Variants in RBFOX1 observed in about 807,000 individuals in gnomAD.
The protein encoded by RBFOX1 is RNA binding fox-1 homolog 1.
A neutral mutation model predicts 57.7 loss-of-function variants in RBFOX1; 8 were observed. That is an observed-to-expected ratio of 0.14 (90% CI 0.08 to 0.25). The LOEUF is 0.25. Ranked by LOEUF, RBFOX1 falls within the 10% of genes least tolerant of loss-of-function variation. The probability of loss-of-function intolerance (pLI) is 1.00; values close to 1 mark genes in which losing one functional copy is unlikely to be tolerated. For missense variants in RBFOX1, 611 were observed against 548.5 expected, an observed-to-expected ratio of 1.11 and a Z score of -1.14; for synonymous variants, 326 against 222.4, an observed-to-expected ratio of 1.47 and a Z score of -4.15.
intron 10 of RBFOX1, among the ~76,000 whole-genome samples, chr16:7,624,588 C>A (rs1220220487): frequency 6.6e-6 from 1 of 152,168 alleles, no homozygotes; most frequent in Non-Finnish European, 1.5e-5. Flanking sequence ...TAAGTACCAG[C>A]CAAATGAATG....
chr16:7,654,087 C>G, intron 12 of RBFOX1, 140 bp downstream of exon 12: 1 of 851,646 alleles, frequency 1.2e-6, no homozygotes, highest in South Asian at 1.8e-5. Context: ...AGCCCGGCCG[C>G]GCACCTGCAG....
chr16:5,373,133 G>A (rs1236774207), intron 1 of RBFOX1, among the ~76,000 whole-genome samples: 6 of 152,176 alleles, frequency 3.9e-5, no homozygotes, highest in Admixed American at 2.0e-4. Context: ...GACGTGAAAT[G>A]GATTTTCTCG....
intron 6 of RBFOX1, among the ~76,000 whole-genome samples, chr16:7,586,238 T>C (rs2094117957): frequency 6.6e-6 from 1 of 152,208 alleles, no homozygotes; most frequent in African/African-American, 2.4e-5. Flanking sequence ...TGCTCGTACT[T>C]ATGCAGGTTA....
chr16:7,124,285 G>C (rs978971049), intron 4 of RBFOX1, among the ~76,000 whole-genome samples: 5 of 152,104 alleles, frequency 3.3e-5, no homozygotes, highest in Non-Finnish European at 7.4e-5. Context: ...GTAGTGGTGT[G>C]TGCCTTTGGT....
At chr16:5,356,328 C>T (rs2065388200) in intron 1 of RBFOX1, among the ~76,000 whole-genome samples, 1 of 152,208 alleles carries the variant, frequency 6.6e-6, no homozygotes, top group Non-Finnish European at 1.5e-5. Context: ...TGAGCCGATA[C>T]ATTTCTGTTG....
intron 3 of RBFOX1, among the ~76,000 whole-genome samples, chr16:5,715,706 A>G (rs910683555): frequency 6.6e-6 from 1 of 152,206 alleles, no homozygotes; most frequent in Non-Finnish European, 1.5e-5. Flanking sequence ...AAAGCAAGCA[A>G]TGTGCTGAGG....
rs185422484 is a variant in RBFOX1 at position 7,677,049 on chromosome 16, A to G, written c.995+211A>G. 6.5e-4 allele frequency among the ~76,000 whole-genome samples: 98 copies of G among 151,878 alleles called. 1 individual carries two copies. Among genetic ancestry groups the G allele is most frequent in the Admixed American group, 2.5e-3 (38 of 15,152 alleles). On this transcript the variant is annotated intron_variant, in intron 14 of 15. Coordinates refer to ENST00000550418, the MANE Select transcript of RBFOX1 (RefSeq NM_018723.4). ...TCTAAACTACTCTCTCTGCTGAGAC[A>G]CAAAGAAAATGATAGCCTTGGTCCT...
intron 4 of RBFOX1, chr16:7,510,377 C>G (rs769618542): frequency 1.0e-5 from 10 of 972,744 alleles, no homozygotes; most frequent in Non-Finnish European, 1.2e-5. Context: ...AAGCTGAAAG[C>G]TTTTCTTGTG....
At chr16:5,767,000 T>C (rs2053804538) in intron 3 of RBFOX1, among the ~76,000 whole-genome samples, 1 of 152,222 alleles carries the variant, frequency 6.6e-6, no homozygotes, top group Admixed American at 6.5e-5. Flanking sequence ...TCTGTATCTG[T>C]TAGTTTGCTT....
At chr16:7,093,133 G>T (rs1169834029) in intron 4 of RBFOX1, among the ~76,000 whole-genome samples, 1 of 152,180 alleles carries the variant, frequency 6.6e-6, no homozygotes, top group Non-Finnish European at 1.5e-5. Context: ...TTTTACCCCA[G>T]TGAATTCTGA....
chr16:6,912,126 G>T (rs1056878903), intron 3 of RBFOX1, among the ~76,000 whole-genome samples: 3 of 152,132 alleles, frequency 2.0e-5, no homozygotes, highest in African/African-American at 4.8e-5. Flanking sequence ...TAGTATTTCA[G>T]AACTTTACGT....
At chr16:6,644,159 G>C (rs2098514775) in intron 2 of RBFOX1, among the ~76,000 whole-genome samples, 1 of 152,118 alleles carries the variant, frequency 6.6e-6, no homozygotes. Flanking sequence ...AAAATCACCA[G>C]TATGCTCTTA....
At chr16:7,428,002 A>G (rs555526290) in intron 4 of RBFOX1, among the ~76,000 whole-genome samples, 1 of 152,204 alleles carries the variant, frequency 6.6e-6, no homozygotes, top group East Asian at 1.9e-4. Flanking sequence ...TTACATTCCA[A>G]GAATGTTTCT....
At chr16:6,357,948 C>T (rs1284169856) in intron 2 of RBFOX1, among the ~76,000 whole-genome samples, 5 of 144,370 alleles carry the variant, frequency 3.5e-5, no homozygotes, top group South Asian at 2.2e-4. Context: ...CAGAGCAAGA[C>T]TCCATCTCAA....
chr16:6,843,122 T>A (rs746337876), intron 3 of RBFOX1, among the ~76,000 whole-genome samples: 8 of 152,200 alleles, frequency 5.3e-5, no homozygotes, highest in Admixed American at 1.3e-4. Context: ...TTCTTATTGT[T>A]GTTGTTTTCA....
At chr16:5,332,393 C>G (rs199844261) in intron 1 of RBFOX1, among the ~76,000 whole-genome samples, 1 of 151,902 alleles carries the variant, frequency 6.6e-6, no homozygotes, top group Non-Finnish European at 1.5e-5. Flanking sequence ...TCCCGAGTAC[C>G]TGGAATTACA....
chr16:6,930,630 G>A (rs1037642024), intron 3 of RBFOX1, among the ~76,000 whole-genome samples: 2 of 152,166 alleles, frequency 1.3e-5, no homozygotes, highest in African/African-American at 4.8e-5. Flanking sequence ...GGCTGGTCTT[G>A]AGCTCCTCAC....
At chr16:6,545,609 A>G (rs192456028) in intron 2 of RBFOX1, among the ~76,000 whole-genome samples, 67 of 152,230 alleles carry the variant, frequency 4.4e-4, no homozygotes, top group Admixed American at 1.6e-3. Context: ...CTCCACCCCA[A>G]AGATCTCACT....
intron 2 of RBFOX1, among the ~76,000 whole-genome samples, chr16:6,391,032 C>T (rs551735770): frequency 6.6e-6 from 1 of 152,216 alleles, no homozygotes; most frequent in Admixed American, 6.5e-5. Flanking sequence ...ACCCACTAGA[C>T]GATAGTACCT....
Sources: allele counts gnomAD v4.1 joint callset (sites outside exome capture counted in the v4.1 genomes callset), GRCh38; gene constraint gnomAD v4.1.1; transcripts MANE v1.5; gene names NCBI Gene and HGNC (gene_info 2026-07-23, HGNC 2026-07-21).